The following ZNF581 variants were observed in gnomAD, a reference collection of about 807,000 sequenced individuals.
ZNF581 encodes zinc finger protein 581.
A neutral mutation model predicts 1.2 loss-of-function variants in ZNF581; 1 was observed. The observed-to-expected ratio is 0.83, with a 90% CI of 0.30 to 3.95. ZNF581 has a LOEUF of 3.95. Among genes scored for constraint, ZNF581 ranks in the 30% most tolerant of loss-of-function variants. ZNF581 has a pLI of 0.18. For synonymous variants in ZNF581, 105 were observed against 109.2 expected, an observed-to-expected ratio of 0.96 and a Z score of 0.24; for missense variants, 273 against 274.6, an observed-to-expected ratio of 0.99 and a Z score of 0.04.
chr19:55,643,126 AGGTT>A, upstream of ZNF581: 1 of 1,295,572 alleles, frequency 7.7e-7, no homozygotes, highest in Non-Finnish European at 9.8e-7. Context: ...GGCTCTGCTG[AGGTT>A]ACTGCCTTAC....
In ZNF581 at chr19:55,645,575, C is replaced by G. The variant is rs183901758; in HGVS notation, c.*410C>G. ...GGACCCCAGTCCTGCCTTCCACCCCCCAACCAGGCCTGAGACTGATCAAAC... is the reference window on the plus strand; with the variant it reads ...GGACCCCAGTCCTGCCTTCCACCCCGCAACCAGGCCTGAGACTGATCAAAC... On this transcript the variant is annotated 3_prime_UTR_variant, in exon 2 of 2. Coordinates refer to ENST00000270451, the MANE Select transcript of ZNF581 (RefSeq NM_016535.4). 6.6e-5 allele frequency: 12 copies of G among 182,470 alleles called. 1 individual carries two copies. The highest frequency in any genetic ancestry group is 1.3e-4 in the Non-Finnish European group (10 of 78,890). The allele number at this position is 182,470 out of a possible 1,614,324, so 11.3% of individuals were successfully genotyped here.
chr19:55,636,405 T>C (rs1174434391), upstream of ZNF581, among the ~76,000 whole-genome samples: 3 of 152,044 alleles, frequency 2.0e-5, no homozygotes, highest in Non-Finnish European at 4.4e-5. Flanking sequence ...GCAAGAATTT[T>C]GTCTAGATGG....
At chr19:55,640,283 C>T (rs1032166472), upstream of ZNF581, 38 of 985,490 alleles carry the variant, frequency 3.9e-5, no homozygotes, top group Middle Eastern at 2.6e-3. Context: ...GAGTCCTTCG[C>T]ATGCGCAGCC....
chr19:55,636,535 C>G (rs531667953), upstream of ZNF581, among the ~76,000 whole-genome samples: 1 of 152,260 alleles, frequency 6.6e-6, no homozygotes, highest in South Asian at 2.1e-4. Context: ...TGTATTCATT[C>G]AACCAATATC....
exon 1 of ZNF581, chr19:55,635,679 A>C (rs1463108209): frequency 1.0e-6 from 1 of 988,062 alleles, no homozygotes; most frequent in Non-Finnish European, 1.2e-6. Context: ...TAAATGGAGA[A>C]GTCAGAATGA....
At position 55,645,113 on chromosome 19, in the gene ZNF581, G is replaced by A. The variant is rs1454450455; in HGVS notation, c.542G>A (p.Arg181His). The A allele has an allele frequency of 1.3e-6, 2 of 1,536,730 alleles. No individual in the cohort carries two copies. Among genetic ancestry groups the A allele is most frequent in the African/African-American group, 1.4e-5 (1 of 72,948 alleles). ...TTTCAGTGTCCACACTGCCCTCGCC[G>A]CTTTATGGAGCAGAACACACTGCAG... The part of the protein sequence containing the change: ...RPFQCPHCPR[R>H]FMEQNTLQKH... The change falls in exon 2 of 2, where the codon CGC becomes CAC. Residue 181 changes from arginine to histidine, a missense_variant. Transcript: ENST00000270451.
At chr19:55,643,197 C>G (rs764075917), upstream of ZNF581, 13 of 1,165,824 alleles carry the variant, frequency 1.1e-5, no homozygotes, top group Admixed American at 4.3e-5. Context: ...TTCCTTACCC[C>G]CTTTCTAGCT....
chr19:55,637,186 T>A (rs1382250732), upstream of ZNF581, among the ~76,000 whole-genome samples: 1 of 152,114 alleles, frequency 6.6e-6, no homozygotes, highest in African/African-American at 2.4e-5. Flanking sequence ...GGGAAGGTTT[T>A]AAGTCAGGGA....
chr19:55,642,847 G>C (rs755328010), upstream of ZNF581: 43 of 1,573,802 alleles, frequency 2.7e-5, 1 homozygote, highest in Non-Finnish European at 3.3e-5. Flanking sequence ...ACCGCGTGTC[G>C]CACTCGGACC....
upstream of ZNF581, among the ~76,000 whole-genome samples, chr19:55,639,661 G>A (rs879468797): frequency 4.6e-5 from 7 of 152,152 alleles, no homozygotes; most frequent in Admixed American, 4.6e-4. Context: ...CTGTTGCCCA[G>A]GCTGCAGTAT....
At chr19:55,637,693 G>A (rs1982176133), upstream of ZNF581, among the ~76,000 whole-genome samples, 1 of 152,056 alleles carries the variant, frequency 6.6e-6, no homozygotes, top group African/African-American at 2.4e-5. Flanking sequence ...TTGCTGACAG[G>A]GGTCATGTGC....
chr19:55,640,689 C>T (rs1158189316), upstream of ZNF581: 17 of 985,360 alleles, frequency 1.7e-5, no homozygotes, highest in Admixed American at 1.2e-4. Context: ...TCCCTTCTCC[C>T]GCCCTCTACC....
chr19:55,645,162 A>T lies in ZNF581; in HGVS notation c.591A>T (p.Pro197=). ...AGAAACACACGCGGTGGAAGCATCC[A>T]TGAGCCGGGCTGCCGGGTGCCCCAG... ...TLQKHTRWKH[P] Residue 197 remains proline (P), a synonymous_variant, in exon 2 of 2, where the codon CCA becomes CCT. Coordinates refer to ENST00000270451, the MANE Select transcript of ZNF581 (RefSeq NM_016535.4). The T allele has an allele frequency of 6.6e-7, 1 of 1,513,888 alleles. No individual in the cohort carries two copies. The allele number at this position is 1,513,888 out of a possible 1,614,324, so 93.8% of individuals were successfully genotyped here.
upstream of ZNF581, chr19:55,641,016 A>C (rs1160563537): frequency 1.0e-5 from 10 of 984,458 alleles, no homozygotes; most frequent in Non-Finnish European, 1.2e-5. Flanking sequence ...TTTCCCAGGG[A>C]CTCCGCCAAC....
rs1338284617 is a variant in ZNF581, at chr19:55,644,862, G to T, written c.291G>T (p.Glu97Asp). Residue 97 changes from glutamate to aspartate, a missense_variant, in exon 2 of 2, where the codon GAG becomes GAT. By Grantham distance (45) the Glu-to-Asp change is conservative (BLOSUM62 2). Transcript: ENST00000270451. This position sits in a 1 kb window ranked among gnomAD's most constrained non-coding sequence, Gnocchi z 4.3. ...YSCPVCSRVFEYMSYLQRHSI... is the reference protein window; with the variant it reads ...YSCPVCSRVFDYMSYLQRHSI... Reference sequence around the variant, plus strand: ...GCCCCGTGTGCTCAAGGGTCTTCGAGTACATGTCCTACCTTCAGCGACACA... The same window carrying T: ...GCCCCGTGTGCTCAAGGGTCTTCGATTACATGTCCTACCTTCAGCGACACA... The T allele has an allele frequency of 8.1e-6, 13 of 1,613,568 alleles. No homozygotes were observed. Among genetic ancestry groups the T allele is most frequent in the Non-Finnish European group, 1.1e-5 (13 of 1,179,494 alleles).
chr19:55,643,721 AG>A lies in ZNF581; in HGVS notation c.-70del, dbSNP rs1982681233. 1 of 149,830 alleles carries A rather than the reference AG, an allele frequency of 6.7e-6. No homozygotes were observed. The highest frequency in any genetic ancestry group is 1.5e-5 in the Non-Finnish European group (1 of 67,500). 9.3% of individuals were successfully genotyped at this position (149,830 alleles called of 1,614,324 possible). On this transcript the variant is annotated 5_prime_UTR_variant, in exon 1 of 2. Transcript: ENST00000270451. ...CTTCTCGCCGCCGCCTGCAACTGCG[AG>A]GGTAGCCCGGGGCCGCTTGGAGTCG...
At chr19:55,643,017 G>A (rs1373662276), upstream of ZNF581, 3 of 1,361,850 alleles carry the variant, frequency 2.2e-6, no homozygotes, top group African/African-American at 3.1e-5. Flanking sequence ...CAGCACGTGC[G>A]CCTCCACTAA....
upstream of ZNF581, among the ~76,000 whole-genome samples, chr19:55,639,951 C>T (rs1319501563): frequency 1.3e-5 from 2 of 152,218 alleles, no homozygotes; most frequent in African/African-American, 4.8e-5. Flanking sequence ...TTCAGGTCCT[C>T]TGATACACCA....
chr19:55,635,013 C>T (rs1253480084), upstream of ZNF581: 1 of 152,118 alleles, frequency 6.6e-6, no homozygotes, highest in Non-Finnish European at 1.5e-5. Flanking sequence ...ACTGCGGCCG[C>T]TTCCGGACGT....
Sources: allele counts gnomAD v4.1 joint callset (sites outside exome capture counted in the v4.1 genomes callset), GRCh38; gene constraint gnomAD v4.1.1; non-coding constraint Gnocchi (gnomAD v3.1); transcripts MANE v1.5; gene names NCBI Gene and HGNC (gene_info 2026-07-23, HGNC 2026-07-21).